Variants in RAD51B observed in about 807,000 individuals in gnomAD.
The protein encoded by RAD51B is RAD51 paralog B.
A neutral mutation model predicts 42.2 loss-of-function variants in RAD51B; 38 were observed. The ratio of observed to expected loss-of-function variants is 0.90; its 90% CI spans 0.70 to 1.18. RAD51B has a LOEUF of 1.18. RAD51B is among the 50% of genes most tolerant of loss of function. The pLI, the probability that RAD51B is intolerant of heterozygous loss-of-function variation, is 0.00. For missense variants in RAD51B, 373 were observed against 400.7 expected (o/e 0.93, Z 0.59); for synonymous variants, 154 against 145.2 (o/e 1.06, Z -0.43).
chr14:68,256,460 C>T (rs2139522170), intron 7 of RAD51B, among the ~76,000 whole-genome samples: 1 of 152,228 alleles, frequency 6.6e-6, no homozygotes, highest in East Asian at 1.9e-4. Flanking sequence ...GGGAAGCTTC[C>T]ATTTTTATGT....
chr14:67,841,590 T>C (rs1205161260), intron 4 of RAD51B, among the ~76,000 whole-genome samples: 1 of 152,230 alleles, frequency 6.6e-6, no homozygotes, highest in East Asian at 1.9e-4. Context: ...GAGTTAATTT[T>C]TGTAAATGGT....
chr14:68,124,324 T>C (rs1035862007), intron 7 of RAD51B, among the ~76,000 whole-genome samples: 7 of 152,170 alleles, frequency 4.6e-5, no homozygotes, highest in Non-Finnish European at 1.0e-4. Flanking sequence ...GCATTCCTAA[T>C]AGAGGCACAA....
At chr14:68,203,900 G>T (rs1216133908) in intron 7 of RAD51B, among the ~76,000 whole-genome samples, 1 of 152,204 alleles carries the variant, frequency 6.6e-6, no homozygotes, top group Non-Finnish European at 1.5e-5. Flanking sequence ...TTCAGCCTTT[G>T]TAGAATTGAA....
At chr14:67,847,659 G>A (rs72725111) in intron 4 of RAD51B, among the ~76,000 whole-genome samples, 1,626 of 152,082 alleles carry the variant, frequency 0.011, 14 homozygotes, top group Non-Finnish European at 0.017. Context: ...ATGTGATTTC[G>A]ATTTTTAAAA....
intron 7 of RAD51B, among the ~76,000 whole-genome samples, chr14:68,093,159 C>T (rs1359763129): frequency 6.6e-6 from 1 of 150,890 alleles, no homozygotes; most frequent in Non-Finnish European, 1.5e-5. Context: ...GTCTAAAATT[C>T]TCTTTTTTTG....
chr14:68,288,399 A>T (rs1412000572), intron 7 of RAD51B, among the ~76,000 whole-genome samples: 1 of 152,244 alleles, frequency 6.6e-6, no homozygotes, highest in African/African-American at 2.4e-5. Flanking sequence ...TGTAATTAAA[A>T]GGGAGAGGAT....
intron 8 of RAD51B, among the ~76,000 whole-genome samples, chr14:68,318,295 T>G (rs117112532): frequency 1.4e-3 from 207 of 152,316 alleles, no homozygotes; most frequent in Admixed American, 5.6e-3. Flanking sequence ...TCAAGAAGAT[T>G]AAAAATCCAA....
intron 10 of RAD51B, among the ~76,000 whole-genome samples, chr14:68,515,248 A>T (rs1594932830): frequency 6.6e-6 from 1 of 152,272 alleles, no homozygotes; most frequent in South Asian, 2.1e-4. Context: ...GTTAAAACTC[A>T]TAAGGGAGTC....
chr14:68,525,587 C>CA (rs1471966791), intron 10 of RAD51B, among the ~76,000 whole-genome samples: 4 of 152,236 alleles, frequency 2.6e-5, no homozygotes, highest in African/African-American at 9.6e-5. Flanking sequence ...CTTCAGCCAT[C>CA]AGAGTTTCCC....
chr14:68,272,380 T>C (rs1051542791), intron 7 of RAD51B, among the ~76,000 whole-genome samples: 1 of 151,974 alleles, frequency 6.6e-6, no homozygotes, highest in Non-Finnish European at 1.5e-5. Context: ...GACGACCCAG[T>C]TATGAATCCT....
At chr14:68,630,451 G>A (rs746863105) in intron 10 of RAD51B, among the ~76,000 whole-genome samples, 1 of 152,010 alleles carries the variant, frequency 6.6e-6, no homozygotes, top group African/African-American at 2.4e-5. Flanking sequence ...CTTCCCTGAT[G>A]AGTATGCAGA....
chr14:68,430,158 G>A (rs978499924), intron 9 of RAD51B, among the ~76,000 whole-genome samples: 1 of 152,166 alleles, frequency 6.6e-6, no homozygotes, highest in Non-Finnish European at 1.5e-5. Flanking sequence ...TAGCTTTGTG[G>A]TATAGTTTGA....
At chr14:67,927,749 T>G (rs2140149048) in intron 7 of RAD51B, among the ~76,000 whole-genome samples, 1 of 145,024 alleles carries the variant, frequency 6.9e-6, no homozygotes, top group East Asian at 1.9e-4. Context: ...ATATATTCAT[T>G]GTGTGTGTGT....
chr14:68,463,162 GCTGGGGGGTTGTC>G (rs767547087), intron 9 of RAD51B, among the ~76,000 whole-genome samples: 4 of 152,132 alleles, frequency 2.6e-5, no homozygotes, highest in Non-Finnish European at 4.4e-5. Context: ...TAAATTACCT[GCTGGGGGGTTGTC>G]TGCTTTGGAA....
intron 10 of RAD51B, among the ~76,000 whole-genome samples, chr14:68,638,379 G>A (rs570317248): frequency 4.6e-5 from 7 of 152,210 alleles, no homozygotes; most frequent in East Asian, 1.9e-4. Flanking sequence ...AGCTTCTTGC[G>A]AGCCAGGCCA....
intron 7 of RAD51B, among the ~76,000 whole-genome samples, chr14:67,901,964 T>G (rs2043628935): frequency 6.6e-6 from 1 of 152,296 alleles, no homozygotes; most frequent in Middle Eastern, 3.4e-3. Flanking sequence ...GTTATTCCAG[T>G]GATGGATACC....
At chr14:68,289,314 G>A (rs1213081292) in intron 7 of RAD51B, among the ~76,000 whole-genome samples, 1 of 152,108 alleles carries the variant, frequency 6.6e-6, no homozygotes, top group African/African-American at 2.4e-5. Flanking sequence ...AATTCTATGA[G>A]ATAGATATTA....
At chr14:67,862,621 A>C (rs2042200606) in intron 4 of RAD51B, among the ~76,000 whole-genome samples, 1 of 152,128 alleles carries the variant, frequency 6.6e-6, no homozygotes. Context: ...TTTAATTTCA[A>C]TCCTTGCATC....
At chr14:67,825,853 C>A (rs550474441) in intron 3 of RAD51B, among the ~76,000 whole-genome samples, 5 of 152,130 alleles carry the variant, frequency 3.3e-5, no homozygotes, top group Non-Finnish European at 7.4e-5. Context: ...CCTCAGCCTC[C>A]TGAGTAGCTG....
Sources: allele counts gnomAD v4.1 joint callset (sites outside exome capture counted in the v4.1 genomes callset), GRCh38; gene constraint gnomAD v4.1.1; transcripts MANE v1.5; gene names NCBI Gene and HGNC (gene_info 2026-07-23, HGNC 2026-07-21).